The following RPA1 variants were observed in gnomAD, a reference collection of about 807,000 sequenced individuals.
The protein encoded by RPA1 is replication protein A 70 kDa DNA-binding subunit.
RPA1 carries 49 observed loss-of-function variants against 83.0 expected under a neutral mutation model. That is an observed-to-expected ratio of 0.59 (90% CI 0.47 to 0.75). The LOEUF (loss-of-function observed/expected upper bound fraction) is 0.75, where lower values mean the gene tolerates loss of function less well. Ranked by LOEUF, RPA1 falls within the 30% of genes least tolerant of loss-of-function variation. The probability of loss-of-function intolerance (pLI) is 0.00; values close to 1 mark genes in which losing one functional copy is unlikely to be tolerated. For synonymous variants in RPA1, 279 were observed against 281.8 expected, an observed-to-expected ratio of 0.99 and a Z score of 0.10; for missense variants, 693 against 776.1, an observed-to-expected ratio of 0.89 and a Z score of 1.27.
intron 6 of RPA1, 126 bp downstream of exon 6, chr17:1,872,652 G>A (rs1913417207): frequency 7.9e-6 from 9 of 1,133,256 alleles, no homozygotes; most frequent in South Asian, 3.4e-5. Context: ...GTCTTGGAAA[G>A]AATAATTCTG....
intron 16 of RPA1, among the ~76,000 whole-genome samples, chr17:1,896,306 G>A (rs12051574): frequency 0.1 from 15,303 of 152,176 alleles, 869 homozygotes; most frequent in East Asian, 0.2. Context: ...CCCCGAGCTC[G>A]CCTGTGCAGC....
chr17:1,833,501 T>A (rs1911697218), intron 1 of RPA1, among the ~76,000 whole-genome samples: 2 of 152,182 alleles, frequency 1.3e-5, no homozygotes. Context: ...GGGGAAGTGA[T>A]TTTAAATTGT....
At chr17:1,863,238 G>A (rs1245533386) in intron 5 of RPA1, among the ~76,000 whole-genome samples, 1 of 87,014 alleles carries the variant, frequency 1.1e-5, no homozygotes, top group Non-Finnish European at 3.3e-5. Flanking sequence ...TTTGAGACGA[G>A]TCTCACTCTG....
intron 11 of RPA1, among the ~76,000 whole-genome samples, chr17:1,880,270 G>A (rs536328780): frequency 1.3e-5 from 2 of 152,286 alleles, no homozygotes; most frequent in Admixed American, 1.3e-4. Flanking sequence ...TGTGCTGTCT[G>A]GTAAGTATTT....
chr17:1,897,556 C>G lies in RPA1; in HGVS notation c.*381C>G, dbSNP rs185399153. On this transcript the variant is annotated 3_prime_UTR_variant, in exon 17 of 17. Transcript: ENST00000254719. The stretch of plus-strand genomic sequence containing the variant: ...TTGCTTCTCCAGTGGTGACCACCCC[C>G]CCCCATCCCCGCTCACAACTTGGGT... 6.1e-5 allele frequency: 10 copies of G among 164,768 alleles called. No homozygotes were observed. Among genetic ancestry groups the G allele is most frequent in the East Asian group, 1.8e-4 (1 of 5,578 alleles). 10.2% of individuals were successfully genotyped at this position (164,768 alleles called of 1,614,324 possible). A position where few individuals can be genotyped will look rare whatever the true frequency, so the allele number is the denominator to read the frequency against.
At chr17:1,872,284 C>T in intron 5 of RPA1, 150 bp from the exon 6 acceptor site, 2 of 1,200,830 alleles carry the variant, frequency 1.7e-6, no homozygotes, top group Non-Finnish European at 2.3e-6. Flanking sequence ...TCACCGAGTG[C>T]CATGGAATGC....
At position 1,882,160 on chromosome 17, in the gene RPA1, C is replaced by T. The variant is rs750297823; in HGVS notation, c.1241+1469C>T. On this transcript the variant is annotated intron_variant, in intron 12 of 16. Coordinates refer to ENST00000254719, the MANE Select transcript of RPA1 (RefSeq NM_002945.5). Reference sequence around the variant, plus strand: ...CTTTCATCTCCGGCCAGCTCCTCTCCGCCACCACTGTGTTCCCGAGCCACT... The same window carrying T: ...CTTTCATCTCCGGCCAGCTCCTCTCTGCCACCACTGTGTTCCCGAGCCACT... Among the ~76,000 whole-genome samples, 13 of 152,208 alleles carry T rather than the reference C, an allele frequency of 8.5e-5. No homozygotes were observed. In the East Asian group the frequency reaches 9.7e-4, roughly 11 times the overall value.
At chr17:1,853,274 T>G in intron 5 of RPA1, 85 bp downstream of exon 5, 1 of 1,017,002 alleles carries the variant, frequency 9.8e-7, no homozygotes, top group Non-Finnish European at 1.5e-6. Context: ...TCAGTTTGAC[T>G]TGTTAGTGTT....
At position 1,866,418 on chromosome 17, in the gene RPA1, A is replaced by T. The variant is rs1017711087; in HGVS notation, c.362-6016A>T. ...CAACCTCTGCCTCTTGGGTTCAAGC[A>T]GTTCTCCTGTCTCAGCTTGCCTAGT... On this transcript the variant is annotated intron_variant, in intron 5 of 16. Coordinates refer to ENST00000254719, the MANE Select transcript of RPA1 (RefSeq NM_002945.5). Among the ~76,000 whole-genome samples, 3 of 151,934 alleles carry T rather than the reference A, an allele frequency of 2.0e-5. 1 individual carries two copies. The highest frequency in any genetic ancestry group is 4.1e-4 in the South Asian group (2 of 4,824).
At chr17:1,879,930 A>C (rs17292133) in intron 11 of RPA1, among the ~76,000 whole-genome samples, 30 of 147,584 alleles carry the variant, frequency 2.0e-4, no homozygotes, top group Middle Eastern at 3.7e-3. Context: ...ACACAGGAGG[A>C]GCTCCTGGAG....
chr17:1,858,118 T>G (rs1034993151), intron 5 of RPA1: 20 of 1,613,614 alleles, frequency 1.2e-5, no homozygotes, highest in Non-Finnish European at 1.4e-5. Context: ...CTGGGGAATC[T>G]TCAGGCCTTT....
chr17:1,880,510 G>A (rs1283688310), intron 11 of RPA1, 33 bp from the exon 12 acceptor site: 2 of 1,602,386 alleles, frequency 1.2e-6, no homozygotes, highest in African/African-American at 2.7e-5. Context: ...TCCTGCTAGT[G>A]ACACTTGTAT....
At chr17:1,873,202 TG>T (rs1367158761) in intron 6 of RPA1, among the ~76,000 whole-genome samples, 1 of 152,180 alleles carries the variant, frequency 6.6e-6, no homozygotes, top group Non-Finnish European at 1.5e-5. Flanking sequence ...GCCTCGTGGG[TG>T]TTTATCGTTT....
At chr17:1,840,958 G>A (rs551112283) in intron 1 of RPA1, among the ~76,000 whole-genome samples, 98 of 152,100 alleles carry the variant, frequency 6.4e-4, no homozygotes, top group African/African-American at 2.2e-3. Flanking sequence ...CCCCAGCTAC[G>A]CGGGAGGCTG....
At chr17:1,839,153 G>A (rs953661085) in intron 1 of RPA1, among the ~76,000 whole-genome samples, 8 of 152,160 alleles carry the variant, frequency 5.3e-5, no homozygotes, top group Non-Finnish European at 1.0e-4. Context: ...ACTGCGCCCG[G>A]CCCCTTAGTC....
intron 15 of RPA1, among the ~76,000 whole-genome samples, chr17:1,892,206 C>A (rs1024345810): frequency 1.3e-5 from 2 of 152,138 alleles, no homozygotes; most frequent in African/African-American, 2.4e-5. Flanking sequence ...GGGGTTTTAC[C>A]ATGTTGGCCA....
At chr17:1,894,312 ACCTG>A (rs1914313888) in intron 15 of RPA1, among the ~76,000 whole-genome samples, 1 of 150,936 alleles carries the variant, frequency 6.6e-6, no homozygotes, top group South Asian at 2.1e-4. Context: ...GATTACAGGC[ACCTG>A]CCACTATGCC....
Position 1,883,877 on chromosome 17 carries a change from G to A in RPA1, c.1307G>A (p.Gly436Glu). Residue 436 changes from glycine to glutamate, a missense_variant, in exon 13 of 17, where the codon GGA (glycine) becomes GAA (glutamate). By Grantham distance (98) the Gly-to-Glu change is moderately conservative. Coordinates refer to ENST00000254719, the MANE Select transcript of RPA1 (RefSeq NM_002945.5). ...TCTGATCTAAAGAGCGGCGGAGTCG[G>A]AGGGAGTAACACCAACTGGAAAACC... ...SISDLKSGGVGGSNTNWKTLY... is the reference protein window; with the variant it reads ...SISDLKSGGVEGSNTNWKTLY... 1.9e-6 allele frequency: 3 copies of A among 1,614,168 alleles called. No homozygotes were observed. Among genetic ancestry groups the A allele is most frequent in the South Asian group, 1.1e-5 (1 of 91,082 alleles).
In RPA1 at chr17:1,897,020, T is replaced by C. The variant is rs559065310; in HGVS notation, c.1747-51T>C. 4 of 1,485,216 alleles carry C rather than the reference T, an allele frequency of 2.7e-6. No individual in the cohort carries two copies. The East Asian group carries it at 9.8e-5, about 37-fold the overall frequency. 92.0% of individuals were successfully genotyped at this position (1,485,216 alleles called of 1,614,324 possible). On this transcript the variant is annotated intron_variant, in intron 16 of 16. Coordinates refer to ENST00000254719, the MANE Select transcript of RPA1 (RefSeq NM_002945.5). ...ACCACTGAAGCAAAAGGGGTTTCAC[T>C]GCTCCACACCACACTTTCACTGCTC...
Sources: allele counts gnomAD v4.1 joint callset (sites outside exome capture counted in the v4.1 genomes callset), GRCh38; gene constraint gnomAD v4.1.1; transcripts MANE v1.5; gene names NCBI Gene and HGNC (gene_info 2026-07-23, HGNC 2026-07-21).